Variants in LRBA observed in about 807,000 individuals in gnomAD.
The protein encoded by LRBA is lipopolysaccharide-responsive and beige-like anchor protein.
Under a neutral mutation model 330.0 loss-of-function variants are expected in LRBA, and 176 were observed. The observed-to-expected ratio is 0.53, with a 90% CI of 0.47 to 0.60. The LOEUF (loss-of-function observed/expected upper bound fraction) is 0.60. LRBA is among the 20% of genes least tolerant of loss of function. The probability of loss-of-function intolerance (pLI) is 0.00; values close to 1 mark genes in which losing one functional copy is unlikely to be tolerated. For missense variants in LRBA, 3,259 were observed against 3,444.8 expected, an observed-to-expected ratio of 0.95 and a Z score of 1.35; for synonymous variants, 1,230 against 1,193.0, an observed-to-expected ratio of 1.03 and a Z score of -0.64.
intron 37 of LRBA, among the ~76,000 whole-genome samples, chr4:150,648,100 T>G (rs944651549): frequency 7.6e-6 from 1 of 130,980 alleles, no homozygotes; most frequent in African/African-American, 2.8e-5. Context: ...TCAACATTTA[T>G]GAGCTAGGAG....
intron 2 of LRBA, among the ~76,000 whole-genome samples, chr4:150,999,824 T>G (rs939282153): frequency 2.0e-5 from 3 of 152,322 alleles, no homozygotes; most frequent in Admixed American, 6.5e-5. Context: ...TCAAGTACTC[T>G]TCTAGGGGCT....
intron 37 of LRBA, among the ~76,000 whole-genome samples, chr4:150,605,562 A>G (rs1374205116): frequency 6.6e-6 from 1 of 152,196 alleles, no homozygotes; most frequent in Non-Finnish European, 1.5e-5. Context: ...TTTTTAGATT[A>G]AAAATTCATA....
chr4:150,434,284 A>G (rs1750807432), intron 46 of LRBA, among the ~76,000 whole-genome samples: 1 of 152,088 alleles, frequency 6.6e-6, no homozygotes, highest in South Asian at 2.1e-4. Context: ...AAAAAAATAG[A>G]CTGTATTTCT....
chr4:150,417,335 T>A (rs1475609769), intron 46 of LRBA, among the ~76,000 whole-genome samples: 1 of 152,154 alleles, frequency 6.6e-6, no homozygotes, highest in Non-Finnish European at 1.5e-5. Flanking sequence ...TGCCCAAGTG[T>A]GTATTCAATT....
chr4:150,526,664 T>C (rs545686905), intron 40 of LRBA, among the ~76,000 whole-genome samples: 1 of 152,312 alleles, frequency 6.6e-6, no homozygotes, highest in African/African-American at 2.4e-5. Context: ...TCAATAATTA[T>C]GCCAGATTTG....
intron 40 of LRBA, among the ~76,000 whole-genome samples, chr4:150,542,397 C>T (rs1765402450): frequency 6.6e-6 from 1 of 152,168 alleles, no homozygotes; most frequent in African/African-American, 2.4e-5. Context: ...CAGCATATCA[C>T]ACATTAAAAG....
chr4:150,491,429 C>T (rs1309800982), intron 40 of LRBA, among the ~76,000 whole-genome samples: 1 of 152,010 alleles, frequency 6.6e-6, no homozygotes, highest in Non-Finnish European at 1.5e-5. Flanking sequence ...ATCACATACA[C>T]AATTCAGTTT....
At chr4:150,558,279 G>T (rs751274272) in intron 40 of LRBA, among the ~76,000 whole-genome samples, 13 of 152,012 alleles carry the variant, frequency 8.6e-5, no homozygotes, top group Non-Finnish European at 1.8e-4. Flanking sequence ...TTTCTTTTGG[G>T]GGGAGTATCT....
chr4:150,893,116 C>A lies in LRBA; in HGVS notation c.2101G>T (p.Val701Phe). 1 of 1,612,176 alleles carries A rather than the reference C, an allele frequency of 6.2e-7. No homozygotes were observed. Among genetic ancestry groups the A allele is most frequent in the Non-Finnish European group, 8.5e-7 (1 of 1,178,814 alleles). ...TTAGGGTGTTCTGACATTAATGCAA[C>A]AAGCAGCTGTAGGACATCCATTAGA... ...DNLMDVLQLL[V>F]ALMSEHPNSM... The change falls in exon 17 of 57, where the codon GTT becomes TTT. Residue 701 changes from valine to phenylalanine, a missense_variant. Transcript: ENST00000651943.
chr4:150,648,708 T>C (rs765278232), intron 37 of LRBA, among the ~76,000 whole-genome samples: 2 of 152,204 alleles, frequency 1.3e-5, no homozygotes, highest in South Asian at 2.1e-4. Context: ...TTAGAAAACG[T>C]TGGCAATACA....
intron 17 of LRBA, among the ~76,000 whole-genome samples, chr4:150,887,591 A>T (rs1357535034): frequency 6.6e-6 from 1 of 151,826 alleles, no homozygotes; most frequent in Non-Finnish European, 1.5e-5. Flanking sequence ...ATACGGTGAA[A>T]CCCTGTCTCT....
At chr4:150,935,680 C>T (rs1409102042) in intron 2 of LRBA, among the ~76,000 whole-genome samples, 3 of 151,562 alleles carry the variant, frequency 2.0e-5, no homozygotes, top group Non-Finnish European at 2.9e-5. Flanking sequence ...AAAAAGAATA[C>T]TAGAATCATT....
intron 2 of LRBA, among the ~76,000 whole-genome samples, chr4:150,975,437 A>G (rs9760859): frequency 0.029 from 4,388 of 151,970 alleles, 195 homozygotes; most frequent in African/African-American, 0.1. Context: ...GAGGCAGGAG[A>G]ATCCCTTGAA....
intron 40 of LRBA, among the ~76,000 whole-genome samples, chr4:150,526,259 G>A (rs1763462766): frequency 6.6e-6 from 1 of 152,132 alleles, no homozygotes. Context: ...AAATTATAAT[G>A]GCTGTTTTCT....
At chr4:150,857,650 C>A (rs1751383012) in intron 22 of LRBA, among the ~76,000 whole-genome samples, 2 of 152,096 alleles carry the variant, frequency 1.3e-5, no homozygotes, top group African/African-American at 4.8e-5. Context: ...TTGAACCAGG[C>A]TCATCATTGG....
chr4:150,500,202 T>C (rs1185788291), intron 40 of LRBA, among the ~76,000 whole-genome samples: 2 of 151,996 alleles, frequency 1.3e-5, no homozygotes, highest in East Asian at 3.9e-4. Flanking sequence ...AACATCTTTA[T>C]GTACCCCATG....
chr4:150,997,516 T>A (rs1176568626), intron 2 of LRBA, among the ~76,000 whole-genome samples: 2 of 152,150 alleles, frequency 1.3e-5, no homozygotes, highest in African/African-American at 4.8e-5. Flanking sequence ...GTTACTTGTA[T>A]TCAATCTAAA....
chr4:150,603,499 T>C (rs552544958), intron 37 of LRBA, among the ~76,000 whole-genome samples: 2 of 152,138 alleles, frequency 1.3e-5, no homozygotes, highest in Non-Finnish European at 2.9e-5. Flanking sequence ...GTTGTTGTTG[T>C]TTTTTAAGAT....
At chr4:150,643,417 G>C (rs1778860896) in intron 37 of LRBA, among the ~76,000 whole-genome samples, 1 of 151,962 alleles carries the variant, frequency 6.6e-6, no homozygotes, top group Admixed American at 6.6e-5. Flanking sequence ...TAGATGATAA[G>C]AAAAGGCTGA....
Sources: allele counts gnomAD v4.1 joint callset (sites outside exome capture counted in the v4.1 genomes callset), GRCh38; gene constraint gnomAD v4.1.1; transcripts MANE v1.5; gene names NCBI Gene and HGNC (gene_info 2026-07-23, HGNC 2026-07-21).